The following CASP2 variants were observed in gnomAD, a reference collection of about 807,000 sequenced individuals.
The protein encoded by CASP2 is caspase-2.
In CASP2, 38 loss-of-function variants were observed where a neutral mutation model predicts 54.4. That is an observed-to-expected ratio of 0.70 (90% CI 0.54 to 0.92). The LOEUF (loss-of-function observed/expected upper bound fraction) is 0.92. Ranked by LOEUF, CASP2 falls within the 40% of genes least tolerant of loss-of-function variation. The probability of loss-of-function intolerance (pLI) is 0.00; values close to 1 mark genes in which losing one functional copy is unlikely to be tolerated. For synonymous variants in CASP2, 215 were observed against 216.3 expected (o/e 0.99, Z 0.05); for missense variants, 512 against 579.6 (o/e 0.88, Z 1.20).
rs1801695119 is a variant in CASP2, at chr7:143,294,844, T to G, written c.747+71T>G. On this transcript the variant is annotated intron_variant, in intron 6 of 10. Coordinates refer to ENST00000310447, the MANE Select transcript of CASP2 (RefSeq NM_032982.4). ...AACACTTTGGGACCAGAGACATCGT[T>G]TGTTCCTGTGCCTGCTGGGATATGT... 13 of 1,342,640 alleles carry G rather than the reference T, an allele frequency of 9.7e-6. No homozygotes were observed. The East Asian group carries it at 3.1e-4, about 32-fold the overall frequency. 83.2% of individuals were successfully genotyped at this position (1,342,640 alleles called of 1,614,324 possible). A position where few individuals can be genotyped will look rare whatever the true frequency, so the allele number is the denominator to read the frequency against.
intron 1 of CASP2, among the ~76,000 whole-genome samples, chr7:143,289,428 C>T (rs968536851): frequency 6.6e-6 from 1 of 152,138 alleles, no homozygotes; most frequent in Non-Finnish European, 1.5e-5. Context: ...AACTATAAGT[C>T]AGTAAGTTGC....
At chr7:143,299,726 G>C (rs964078406) in intron 6 of CASP2, among the ~76,000 whole-genome samples, 197 bp from the exon 7 acceptor site, 24 of 152,176 alleles carry the variant, frequency 1.6e-4, no homozygotes, top group African/African-American at 5.8e-4. Flanking sequence ...TATTGTGTCT[G>C]AACTCATATG....
chr7:143,296,068 A>G (rs1423968876), intron 6 of CASP2, among the ~76,000 whole-genome samples: 1 of 152,188 alleles, frequency 6.6e-6, no homozygotes, highest in East Asian at 1.9e-4. Flanking sequence ...TATGCAGCTG[A>G]TAAAGGATCT....
At chr7:143,295,389 A>T (rs1415447674) in intron 6 of CASP2, among the ~76,000 whole-genome samples, 1 of 152,154 alleles carries the variant, frequency 6.6e-6, no homozygotes, top group Non-Finnish European at 1.5e-5. Flanking sequence ...TGTGGACCAG[A>T]TTTCTAGAAA....
At position 143,289,247 on chromosome 7, in the gene CASP2, C is replaced by T. The variant is rs1205328905; in HGVS notation, c.74+718C>T. On this transcript the variant is annotated intron_variant, in intron 1 of 10. Transcript: ENST00000310447. Reference sequence around the variant, plus strand: ...CGTGGTGCCCTTCGCCCCTCCTCCCCTTCCAGTTGTGTCCTGAAATTCTAA... The same window carrying T: ...CGTGGTGCCCTTCGCCCCTCCTCCCTTTCCAGTTGTGTCCTGAAATTCTAA... Among the ~76,000 whole-genome samples the T allele has an allele frequency of 2.0e-5, 3 of 152,220 alleles. No individual in the cohort carries two copies. The East Asian group carries it at 5.8e-4, about 29-fold the overall frequency.
At chr7:143,303,428 G>A in intron 8 of CASP2, 1 of 191,288 alleles carries the variant, frequency 5.2e-6, no homozygotes, top group Non-Finnish European at 1.1e-5. Flanking sequence ...CAGGCATATT[G>A]TTAATTGAAC....
chr7:143,295,676 C>G (rs1189417019), intron 6 of CASP2, among the ~76,000 whole-genome samples: 2 of 152,306 alleles, frequency 1.3e-5, no homozygotes, highest in Admixed American at 1.3e-4. Flanking sequence ...CTTCATTTCT[C>G]TTTCTTAGCT....
chr7:143,301,999 C>T (rs1381900072), intron 8 of CASP2: 1 of 152,210 alleles, frequency 6.6e-6, no homozygotes, highest in Non-Finnish European at 1.5e-5. Flanking sequence ...TTTTCATTCC[C>T]TGCTCTATCC....
At position 143,288,420 on chromosome 7, in the gene CASP2, G is replaced by A. The variant is rs1398409153; in HGVS notation, c.-36G>A. 2 of 1,607,312 alleles carry A rather than the reference G, an allele frequency of 1.2e-6. No individual in the cohort carries two copies. The highest frequency in any genetic ancestry group is 1.1e-5 in the South Asian group (1 of 90,734). On this transcript the variant is annotated 5_prime_UTR_variant, in exon 1 of 11. Transcript: ENST00000310447. Reference sequence around the variant, plus strand: ...CGGCCCCCGGTTTGTTTGGGCTGTGGGCGGTGCGCAGCGGAGAGCCCGGGA... The same window carrying A: ...CGGCCCCCGGTTTGTTTGGGCTGTGAGCGGTGCGCAGCGGAGAGCCCGGGA...
rs1226657169 is a variant in CASP2, at chr7:143,294,758, T to C, written c.732T>C (p.Cys244=). ...KLLGYDVHVL[C]DQTAQEMQEK... ...TGGGCTATGACGTCCATGTTCTATG[T>C]GACCAGACTGCACAGGTACCTGAGG... Residue 244 remains cysteine, a synonymous_variant, in exon 6 of 11, where the codon TGT becomes TGC. Transcript: ENST00000310447. The C allele has an allele frequency of 6.2e-7, 1 of 1,614,170 alleles. No homozygotes were observed. The highest frequency in any genetic ancestry group is 8.5e-7 in the Non-Finnish European group (1 of 1,180,002).
Position 143,294,580 on chromosome 7 carries a change from T to C in CASP2, c.571-17T>C. 1 of 1,612,666 alleles carries C rather than the reference T, an allele frequency of 6.2e-7. No individual in the cohort carries two copies. Among genetic ancestry groups the C allele is most frequent in the Non-Finnish European group, 8.5e-7 (1 of 1,178,918 alleles). ...GTTATCAAGACGCTCATGGTCTAAC[T>C]GGCCTCTCCTCCACAGGCATATAGG... On this transcript the variant is annotated splice_polypyrimidine_tract_variant and intron_variant, in intron 5 of 10. Coordinates refer to ENST00000310447, the MANE Select transcript of CASP2 (RefSeq NM_032982.4).
intron 9 of CASP2, among the ~76,000 whole-genome samples, chr7:143,304,284 G>A (rs3212150): frequency 6.6e-6 from 1 of 152,144 alleles, no homozygotes; most frequent in African/African-American, 2.4e-5. Context: ...TTGAGCATCT[G>A]TCAGCACCAT....
rs942780948 is a variant in CASP2 at position 143,305,778 on chromosome 7, G to T, written c.*707G>T. 1 of 155,072 alleles carries T rather than the reference G, an allele frequency of 6.4e-6. No homozygotes were observed. The highest frequency in any genetic ancestry group is 2.4e-5 in the African/African-American group (1 of 41,460). The allele number at this position is 155,072 out of a possible 1,614,324, so 9.6% of individuals were successfully genotyped here. The stretch of plus-strand genomic sequence containing the variant: ...AAGTCTCAAAGATCTTTCGTTGGTT[G>T]TTTCTCTGAGCTTTGTTACTGAAAT... On this transcript the variant is annotated 3_prime_UTR_variant, in exon 11 of 11. Coordinates refer to ENST00000310447, the MANE Select transcript of CASP2 (RefSeq NM_032982.4).
intron 7 of CASP2, 67 bp downstream of exon 7, chr7:143,300,118 C>A: frequency 6.2e-7 from 1 of 1,612,558 alleles, no homozygotes; most frequent in South Asian, 1.1e-5. Context: ...TGCTGTCTGT[C>A]AAGTGATGGC....
At chr7:143,302,244 C>T (rs944863088) in intron 8 of CASP2, 1 of 152,148 alleles carries the variant, frequency 6.6e-6, no homozygotes, top group African/African-American at 2.4e-5. Context: ...ACTAACAAAA[C>T]GACGTTAAAT....
intron 8 of CASP2, 26 bp downstream of exon 8, chr7:143,300,320 T>C: frequency 6.2e-7 from 1 of 1,611,588 alleles, no homozygotes. Context: ...GACCAGCACC[T>C]GGGTGGTGGC....
intron 1 of CASP2, chr7:143,289,448 T>C (rs1239581462): frequency 6.4e-6 from 1 of 155,626 alleles, no homozygotes; most frequent in Non-Finnish European, 1.4e-5. Context: ...CAAGTATGGG[T>C]GAGATTGTCT....
chr7:143,298,454 G>A (rs2116789518), intron 6 of CASP2: 1 of 152,228 alleles, frequency 6.6e-6, no homozygotes, highest in Middle Eastern at 3.4e-3. Flanking sequence ...CTGATGGATG[G>A]ACCAAATGCT....
Position 143,306,271 on chromosome 7 carries a change from T to C in CASP2, c.*1200T>C, listed in dbSNP as rs1405340815. 3 of 145,582 alleles carry C rather than the reference T, an allele frequency of 2.1e-5. No homozygotes were observed. The highest frequency in any genetic ancestry group is 6.8e-5 in the Admixed American group (1 of 14,628). 9.0% of individuals were successfully genotyped at this position (145,582 alleles called of 1,614,324 possible). On this transcript the variant is annotated 3_prime_UTR_variant, in exon 11 of 11. Transcript: ENST00000310447. ...AGACTTTTTTTTTTTTTTTTTTTTT[T>C]TTTGAGACAGAGTCTCGCTCTGTCG...
Sources: gnomAD v4.1 joint callset for allele counts (sites outside exome capture counted in the v4.1 genomes callset) on GRCh38, gnomAD v4.1.1 for gene constraint, MANE v1.5 for transcripts, NCBI Gene and HGNC (gene_info 2026-07-23, HGNC 2026-07-21) for gene names.